JAM2: variants seen among roughly 807,000 people sequenced by gnomAD.
The protein encoded by JAM2 is junctional adhesion molecule 2.
A neutral mutation model predicts 42.0 loss-of-function variants in JAM2; 17 were observed. The ratio of observed to expected loss-of-function variants is 0.40; its 90% CI spans 0.28 to 0.61. The LOEUF is 0.61. Among genes scored for constraint, JAM2 ranks in the 20% least tolerant of loss-of-function variants. The pLI is 0.37. For synonymous variants in JAM2, 118 were observed against 128.6 expected, an observed-to-expected ratio of 0.92 and a Z score of 0.56; for missense variants, 319 against 358.3, an observed-to-expected ratio of 0.89 and a Z score of 0.89.
intron 8 of JAM2, among the ~76,000 whole-genome samples, chr21:25,711,159 G>A (rs953392979): frequency 1.3e-5 from 2 of 152,134 alleles, no homozygotes; most frequent in Admixed American, 1.3e-4. Context: ...TAAGTGGAGA[G>A]GTTGGAGTGT....
At chr21:25,654,714 TC>T (rs1241561431) in intron 1 of JAM2, among the ~76,000 whole-genome samples, 1 of 148,192 alleles carries the variant, frequency 6.7e-6, no homozygotes, top group African/African-American at 2.5e-5. Context: ...TGCCCATCCC[TC>T]CAAAAAAAGA....
At chr21:25,711,744 G>A (rs180859612) in intron 8 of JAM2, among the ~76,000 whole-genome samples, 2 of 151,622 alleles carry the variant, frequency 1.3e-5, no homozygotes, top group Non-Finnish European at 2.9e-5. Flanking sequence ...GTAATTGGAA[G>A]GTTTTGAGCA....
chr21:25,693,994 C>T, intron 4 of JAM2, 86 bp downstream of exon 4: 2 of 1,281,774 alleles, frequency 1.6e-6, no homozygotes, highest in African/African-American at 1.5e-5. Context: ...GGTCCATAAA[C>T]ATGCCAGCAT....
intron 2 of JAM2, among the ~76,000 whole-genome samples, chr21:25,686,516 A>G (rs188489643): frequency 6.6e-6 from 1 of 152,238 alleles, no homozygotes; most frequent in African/African-American, 2.4e-5. Context: ...GAAATTATGA[A>G]TTAATTCCTT....
chr21:25,649,080 G>A (rs932248210), intron 1 of JAM2, among the ~76,000 whole-genome samples: 2 of 152,202 alleles, frequency 1.3e-5, no homozygotes, highest in African/African-American at 4.8e-5. Flanking sequence ...AAATTTTCCA[G>A]ATTTCCTGAT....
intron 7 of JAM2, among the ~76,000 whole-genome samples, chr21:25,707,548 C>T (rs2034297943): frequency 6.6e-6 from 1 of 152,190 alleles, no homozygotes; most frequent in Non-Finnish European, 1.5e-5. Flanking sequence ...ATGAGAGCTA[C>T]TTCTGTACAC....
rs1205492880 is a variant in JAM2 at position 25,648,121 on chromosome 21, G to A, written c.67+8233G>A. On this transcript the variant is annotated intron_variant, in intron 1 of 9. Coordinates refer to ENST00000480456, the MANE Select transcript of JAM2 (RefSeq NM_021219.4). ...AGCTACTCAGGAGGCTGAGGCATGA[G>A]AATCACTTGAACGTGGGAGGCGGAG... Among the ~76,000 whole-genome samples, 3 of 152,118 alleles carry A rather than the reference G, an allele frequency of 2.0e-5. No homozygotes were observed. The South Asian group carries it at 6.2e-4, about 32-fold the overall frequency.
chr21:25,640,039 C>T (rs893717402), intron 1 of JAM2, 151 bp downstream of exon 1: 4 of 534,978 alleles, frequency 7.5e-6, no homozygotes, highest in South Asian at 2.7e-5. Context: ...GAGCGGGAAA[C>T]CCAGGGTGCC....
intron 1 of JAM2, among the ~76,000 whole-genome samples, chr21:25,654,289 A>C (rs536090200): frequency 9.2e-5 from 14 of 152,314 alleles, no homozygotes; most frequent in African/African-American, 3.1e-4. Context: ...TGTTGATTGG[A>C]GCTTTACAAT....
intron 2 of JAM2, among the ~76,000 whole-genome samples, chr21:25,686,034 T>C (rs2033744712): frequency 6.6e-6 from 1 of 152,204 alleles, no homozygotes; most frequent in Non-Finnish European, 1.5e-5. Context: ...AACCTGAGAT[T>C]TGTAGTTTTT....
At chr21:25,712,714 G>C (rs2034408413) in intron 9 of JAM2, among the ~76,000 whole-genome samples, 1 of 152,164 alleles carries the variant, frequency 6.6e-6, no homozygotes, top group Non-Finnish European at 1.5e-5. Context: ...TTAAAACACA[G>C]GTTCTTACAG....
In JAM2 at chr21:25,714,558, A is replaced by C. The variant is rs1039465001; in HGVS notation, c.865-82A>C. The C allele has an allele frequency of 9.0e-6, 8 of 890,726 alleles. No homozygotes were observed. In the African/African-American group the frequency reaches 1.4e-4, roughly 16 times the overall value. 55.2% of individuals were successfully genotyped at this position (890,726 alleles called of 1,614,324 possible). On this transcript the variant is annotated intron_variant, in intron 9 of 9. Coordinates refer to ENST00000480456, the MANE Select transcript of JAM2 (RefSeq NM_021219.4). ...TTTACCTGTAGAATTCTTACAATAA[A>C]TATAGCTTGATATTCATAAGATTTA...
Position 25,694,175 on chromosome 21 carries a change from T to C in JAM2, c.394+267T>C, listed in dbSNP as rs961810733. Among the ~76,000 whole-genome samples the C allele has an allele frequency of 3.7e-4, 56 of 152,232 alleles. 1 individual carries two copies. Among genetic ancestry groups the C allele is most frequent in the Non-Finnish European group, 1.0e-4 (7 of 68,044 alleles). ...GGCAATTCCTAATGATCCTACAATA[T>C]ACATAGGAGTATCTTTCCTGAGAGT... On this transcript the variant is annotated intron_variant, in intron 4 of 9. Transcript: ENST00000480456.
At chr21:25,674,682 T>C (rs1471057782) in intron 1 of JAM2, among the ~76,000 whole-genome samples, 3 of 151,894 alleles carry the variant, frequency 2.0e-5, no homozygotes, top group African/African-American at 7.3e-5. Context: ...GAAAATAGGA[T>C]ACCAATGTCT....
chr21:25,713,559 G>C (rs888194425), intron 9 of JAM2, among the ~76,000 whole-genome samples: 17 of 151,914 alleles, frequency 1.1e-4, no homozygotes, highest in Non-Finnish European at 1.8e-4. Context: ...GTAGAGTCTG[G>C]GGGGTGGGGT....
At chr21:25,695,580 A>C (rs1443601285) in intron 4 of JAM2, among the ~76,000 whole-genome samples, 14 of 146,586 alleles carry the variant, frequency 9.6e-5, no homozygotes, top group African/African-American at 2.9e-4. Flanking sequence ...CACCTCCCGG[A>C]CGGGGCGGCG....
chr21:25,695,099 T>C (rs1224525121), intron 4 of JAM2, among the ~76,000 whole-genome samples: 16 of 152,056 alleles, frequency 1.1e-4, no homozygotes, highest in African/African-American at 3.4e-4. Flanking sequence ...ACAAGGGTCT[T>C]TGGTTTTCCT....
chr21:25,660,682 A>C (rs755108062), intron 1 of JAM2, among the ~76,000 whole-genome samples: 81 of 148,362 alleles, frequency 5.5e-4, no homozygotes, highest in South Asian at 1.7e-3. Context: ...TGTTTTACCT[A>C]TAAACACAAA....
At chr21:25,710,173 TA>T (rs947523022) in intron 8 of JAM2, 36 of 152,182 alleles carry the variant, frequency 2.4e-4, no homozygotes, top group African/African-American at 7.0e-4. Flanking sequence ...TAAACTAACT[TA>T]AAAAAAATTT....
Sources: gnomAD v4.1 joint callset for allele counts (sites outside exome capture counted in the v4.1 genomes callset) on GRCh38, gnomAD v4.1.1 for gene constraint, MANE v1.5 for transcripts, NCBI Gene and HGNC (gene_info 2026-07-23, HGNC 2026-07-21) for gene names.